The following PCDH15 variants were observed in gnomAD, a reference collection of about 807,000 sequenced individuals.
The protein encoded by PCDH15 is protocadherin related 15.
PCDH15 carries 129 observed loss-of-function variants against 178.5 expected under a neutral mutation model. The ratio of observed to expected loss-of-function variants is 0.72; its 90% CI spans 0.63 to 0.84. The LOEUF is 0.84. Ranked by LOEUF, PCDH15 falls within the 40% of genes least tolerant of loss-of-function variation. The pLI is 0.00. For synonymous variants in PCDH15, 800 were observed against 732.0 expected (o/e 1.09, Z -1.50); for missense variants, 2,230 against 2,099.9 (o/e 1.06, Z -1.21).
At chr10:54,727,458 G>A (rs11004507) in intron 1 of PCDH15, among the ~76,000 whole-genome samples, 1 of 151,502 alleles carries the variant, frequency 6.6e-6, no homozygotes, top group East Asian at 1.9e-4. Context: ...AGTGTTAAGA[G>A]GAAAGTTTCT....
At chr10:54,451,163 C>T (rs542543846) in intron 3 of PCDH15, among the ~76,000 whole-genome samples, 2 of 151,934 alleles carry the variant, frequency 1.3e-5, no homozygotes, top group Admixed American at 6.6e-5. Context: ...AGAAAAACAG[C>T]ATTAAATCAG....
intron 1 of PCDH15, among the ~76,000 whole-genome samples, chr10:55,258,185 A>G (rs1842051961): frequency 6.6e-6 from 1 of 152,224 alleles, no homozygotes; most frequent in Admixed American, 6.5e-5. Context: ...TAATAGGGAC[A>G]TGAGAATTGG....
intron 25 of PCDH15, among the ~76,000 whole-genome samples, chr10:53,920,218 G>A (rs1431043935): frequency 6.6e-6 from 1 of 152,070 alleles, no homozygotes; most frequent in Non-Finnish European, 1.5e-5. Flanking sequence ...TAAGATTACT[G>A]TGATGATTAA....
intron 2 of PCDH15, among the ~76,000 whole-genome samples, chr10:55,062,205 A>G (rs1841450695): frequency 6.6e-6 from 1 of 152,166 alleles, no homozygotes; most frequent in South Asian, 2.1e-4. Context: ...CATGAATGGG[A>G]TTAGTGCCCT....
At chr10:55,194,617 G>T (rs1840031993) in intron 1 of PCDH15, among the ~76,000 whole-genome samples, 1 of 151,870 alleles carries the variant, frequency 6.6e-6, no homozygotes, top group African/African-American at 2.4e-5. Context: ...ATCATTTTAT[G>T]CTTATTATTA....
chr10:53,884,810 A>G (rs146016697), intron 26 of PCDH15, among the ~76,000 whole-genome samples: 101 of 152,256 alleles, frequency 6.6e-4, no homozygotes, highest in African/African-American at 2.4e-3. Context: ...TCAATGATTT[A>G]ATTGCATTTA....
At chr10:55,593,959 A>C (rs1015281972) in intron 2 of PCDH15, among the ~76,000 whole-genome samples, 1 of 151,872 alleles carries the variant, frequency 6.6e-6, no homozygotes, top group African/African-American at 2.4e-5. Flanking sequence ...AATTGAAGGA[A>C]ACTCATAGGA....
chr10:55,238,148 T>C (rs886335279), intron 1 of PCDH15, among the ~76,000 whole-genome samples: 1 of 145,170 alleles, frequency 6.9e-6, no homozygotes, highest in African/African-American at 2.5e-5. Flanking sequence ...ATATTTTCTT[T>C]TTTTTTTTTT....
intron 26 of PCDH15, among the ~76,000 whole-genome samples, chr10:53,878,210 CTTTGA>C (rs1439568731): frequency 1.3e-4 from 8 of 61,818 alleles, no homozygotes; most frequent in Non-Finnish European, 2.0e-4. Flanking sequence ...CACACACACA[CTTTGA>C]ATATATATAT....
intron 6 of PCDH15, among the ~76,000 whole-genome samples, chr10:54,342,517 G>A (rs1195009861): frequency 6.6e-6 from 1 of 152,142 alleles, no homozygotes; most frequent in Non-Finnish European, 1.5e-5. Flanking sequence ...TCTGCTGCAG[G>A]GGTGGAGCCC....
chr10:54,661,710 C>T (rs1055374818), intron 2 of PCDH15, among the ~76,000 whole-genome samples: 1 of 151,730 alleles, frequency 6.6e-6, no homozygotes, highest in African/African-American at 2.4e-5. Flanking sequence ...AAGATGGACA[C>T]ATAGATCTAT....
In PCDH15 at chr10:53,805,393, A is replaced by AT. The variant is rs1841086799; in HGVS notation, c.*1185dup. 6.6e-6 allele frequency: 1 copy of AT among 152,030 alleles called. No homozygotes were observed. The highest frequency in any genetic ancestry group is 2.4e-5 in the African/African-American group (1 of 41,448). 9.4% of individuals were successfully genotyped at this position (152,030 alleles called of 1,614,324 possible). A position where few individuals can be genotyped will look rare whatever the true frequency, so the allele number is the denominator to read the frequency against. On this transcript the variant is annotated 3_prime_UTR_variant, in exon 38 of 38. Transcript: ENST00000644397. Reference sequence around the variant, plus strand: ...ACACACAAGGCAAGTTTTTTAAAGGATATTCTGTTTTCATTTCTACTTATG... The same window carrying AT: ...ACACACAAGGCAAGTTTTTTAAAGGATTATTCTGTTTTCATTTCTACTTATG...
At chr10:54,443,544 C>G (rs1369662420) in intron 3 of PCDH15, among the ~76,000 whole-genome samples, 3 of 151,452 alleles carry the variant, frequency 2.0e-5, no homozygotes, top group Non-Finnish European at 4.4e-5. Context: ...TATATGGAAA[C>G]AGATCCAGAG....
intron 3 of PCDH15, among the ~76,000 whole-genome samples, chr10:54,454,474 AAAATTATTAATATTTAATAAATATTAAT>A (rs1450201156): frequency 6.7e-6 from 1 of 149,286 alleles, no homozygotes; most frequent in African/African-American, 2.4e-5. Context: ...ATTAATAATT[AAAATTATTAATATTTAATAAATATTAAT>A]AAGCATCTTA....
At chr10:54,788,615 T>C (rs943426580) in intron 1 of PCDH15, among the ~76,000 whole-genome samples, 4 of 151,812 alleles carry the variant, frequency 2.6e-5, no homozygotes, top group Admixed American at 2.6e-4. Context: ...AAAATCTGTC[T>C]TCAGTAATAA....
chr10:53,840,662 T>TC (rs1257198965), intron 28 of PCDH15, among the ~76,000 whole-genome samples, 166 bp from the exon 29 acceptor site: 1 of 152,216 alleles, frequency 6.6e-6, no homozygotes, highest in Non-Finnish European at 1.5e-5. Flanking sequence ...CTATATTTTT[T>TC]CAGCATTTAG....
At chr10:54,446,038 A>G (rs1210686795) in intron 3 of PCDH15, among the ~76,000 whole-genome samples, 1 of 151,536 alleles carries the variant, frequency 6.6e-6, no homozygotes, top group African/African-American at 2.4e-5. Flanking sequence ...TTTGGGACCC[A>G]TGACAAAGTA....
At chr10:54,519,101 C>A (rs1450200252) in intron 3 of PCDH15, among the ~76,000 whole-genome samples, 1 of 152,220 alleles carries the variant, frequency 6.6e-6, no homozygotes, top group East Asian at 1.9e-4. Context: ...CCACAGCCAA[C>A]ATCATACTGA....
intron 8 of PCDH15, among the ~76,000 whole-genome samples, chr10:54,266,146 A>ACAC (rs1564822891): frequency 1.3e-5 from 2 of 150,060 alleles, no homozygotes; most frequent in African/African-American, 4.9e-5. Flanking sequence ...CGCAGACACA[A>ACAC]ACACACACAC....
Sources: gnomAD v4.1 joint callset for allele counts (sites outside exome capture counted in the v4.1 genomes callset) on GRCh38, gnomAD v4.1.1 for gene constraint, MANE v1.5 for transcripts, NCBI Gene and HGNC (gene_info 2026-07-23, HGNC 2026-07-21) for gene names.